The following DDX1 variants were observed in gnomAD, a reference collection of about 807,000 sequenced individuals.
DDX1 encodes the protein ATP-dependent RNA helicase DDX1.
DDX1 carries 28 observed loss-of-function variants against 108.7 expected under a neutral mutation model. The observed-to-expected ratio is 0.26, with a 90% CI of 0.19 to 0.35. The LOEUF (loss-of-function observed/expected upper bound fraction) is 0.35, where lower values mean the gene tolerates loss of function less well. Ranked by LOEUF, DDX1 falls within the 10% of genes least tolerant of loss-of-function variation. The pLI is 1.00. For synonymous variants in DDX1, 295 were observed against 288.9 expected (o/e 1.02, Z -0.21); for missense variants, 710 against 884.5 (o/e 0.80, Z 2.50).
At chr2:15,628,605 CTGGCAA>C in intron 21 of DDX1, 27 bp from the exon 22 acceptor site, 1 of 1,597,312 alleles carries the variant, frequency 6.3e-7, no homozygotes, top group Non-Finnish European at 8.6e-7. Flanking sequence ...TTAGAAACTA[CTGGCAA>C]TTGTTAATAA....
At chr2:15,612,564 G>A (rs1665793405) in intron 13 of DDX1, among the ~76,000 whole-genome samples, 1 of 151,388 alleles carries the variant, frequency 6.6e-6, no homozygotes, top group Admixed American at 6.6e-5. Flanking sequence ...CCCAGATGAT[G>A]GGCGGCCAGG....
chr2:15,618,067 A>G (rs1665929519), intron 15 of DDX1, 114 bp from the exon 16 acceptor site: 1 of 572,106 alleles, frequency 1.7e-6, no homozygotes, highest in African/African-American at 1.8e-5. Context: ...ATATGCATGA[A>G]TTAGTTTCCT....
chr2:15,629,714 G>A lies in DDX1; in HGVS notation c.1971+17G>A. On this transcript the variant is annotated intron_variant, in intron 24 of 25. Coordinates refer to ENST00000233084, the MANE Select transcript of DDX1 (RefSeq NM_004939.3). ...GAGATGCAGGTAAGACTTCGAGTTA[G>A]GCTCACAAATAATGTATTAAAATGG... 4 of 1,511,628 alleles carry A rather than the reference G, an allele frequency of 2.6e-6. No homozygotes were observed. The highest frequency in any genetic ancestry group is 3.6e-6 in the Non-Finnish European group (4 of 1,124,650). The allele number at this position is 1,511,628 out of a possible 1,614,324, so 93.6% of individuals were successfully genotyped here.
chr2:15,602,077 T>C (rs1471108225), intron 6 of DDX1, among the ~76,000 whole-genome samples: 1 of 152,210 alleles, frequency 6.6e-6, no homozygotes, highest in Non-Finnish European at 1.5e-5. Flanking sequence ...CTGTTATCTT[T>C]TAGTTATATA....
At chr2:15,627,304 ATT>A (rs1319688251) in intron 20 of DDX1, 159 bp downstream of exon 20, 6 of 488,460 alleles carry the variant, frequency 1.2e-5, no homozygotes, top group Non-Finnish European at 1.8e-5. Context: ...GGAATTAGTC[ATT>A]GTTGACACTC....
Position 15,630,974 on chromosome 2 carries a change from A to G in DDX1, c.*68A>G, listed in dbSNP as rs1666185723. Reference sequence around the variant, plus strand: ...AGTCTTAAAACTCTAAAACAGTTGTACTGCTTCCAAGCAGCAGTATTTATA... The same window carrying G: ...AGTCTTAAAACTCTAAAACAGTTGTGCTGCTTCCAAGCAGCAGTATTTATA... On this transcript the variant is annotated 3_prime_UTR_variant, in exon 26 of 26. Coordinates refer to ENST00000233084, the MANE Select transcript of DDX1 (RefSeq NM_004939.3). The G allele has an allele frequency of 6.7e-7, 1 of 1,488,140 alleles. No homozygotes were observed. Among genetic ancestry groups the G allele is most frequent in the Admixed American group, 1.7e-5 (1 of 57,266 alleles). 92.2% of individuals were successfully genotyped at this position (1,488,140 alleles called of 1,614,324 possible).
At chr2:15,613,021 GGGGAGA>G (rs1201038298) in intron 13 of DDX1, among the ~76,000 whole-genome samples, 197 bp from the exon 14 acceptor site, 2 of 151,840 alleles carry the variant, frequency 1.3e-5, no homozygotes, top group South Asian at 2.1e-4. Flanking sequence ...GGGAGACCGT[GGGGAGA>G]GGGAGAGGGG....
At chr2:15,619,593 C>T (rs751402016) in intron 16 of DDX1, among the ~76,000 whole-genome samples, 13 of 152,198 alleles carry the variant, frequency 8.5e-5, no homozygotes, top group African/African-American at 3.1e-4. Context: ...TTTGTTTGGT[C>T]CCCTCTCATT....
rs527384432 is a variant in DDX1, at chr2:15,614,334, T to C, written c.1017+1050T>C. Among the ~76,000 whole-genome samples the C allele has an allele frequency of 2.5e-3, 380 of 152,368 alleles. 1 individual carries two copies. The highest frequency in any genetic ancestry group is 8.7e-3 in the African/African-American group (363 of 41,586). On this transcript the variant is annotated intron_variant, in intron 14 of 25. Coordinates refer to ENST00000233084, the MANE Select transcript of DDX1 (RefSeq NM_004939.3). ...ATTGGTGCTCTTGTCAAACTAAATT[T>C]TGTGCCACACAGACTTTACATTTGA...
chr2:15,613,454 A>G (rs1233707625), intron 14 of DDX1, among the ~76,000 whole-genome samples, 170 bp downstream of exon 14: 1 of 152,214 alleles, frequency 6.6e-6, no homozygotes, highest in Non-Finnish European at 1.5e-5. Context: ...TCCTGGAAGT[A>G]TACAAAGTCT....
intron 5 of DDX1, among the ~76,000 whole-genome samples, chr2:15,598,944 G>T (rs1158768472): frequency 5.4e-5 from 8 of 148,214 alleles, no homozygotes; most frequent in African/African-American, 2.0e-4. Flanking sequence ...CTTTTTTTTT[G>T]ATAGTTACAA....
chr2:15,624,002 T>C (rs1230965077), intron 19 of DDX1, among the ~76,000 whole-genome samples: 1 of 152,112 alleles, frequency 6.6e-6, no homozygotes, highest in Non-Finnish European at 1.5e-5. Context: ...GGTTAGAAAT[T>C]ATAGAATAAG....
chr2:15,594,122 C>G (rs574167904), intron 1 of DDX1, among the ~76,000 whole-genome samples: 1 of 151,796 alleles, frequency 6.6e-6, no homozygotes. Flanking sequence ...GTTAGGAGAG[C>G]CTTCTTTGAA....
chr2:15,625,004 A>G (rs368903776), intron 19 of DDX1, among the ~76,000 whole-genome samples: 2 of 152,182 alleles, frequency 1.3e-5, no homozygotes, highest in East Asian at 3.8e-4. Flanking sequence ...AGATGCTAGA[A>G]TGGCCATAGC....
intron 25 of DDX1, among the ~76,000 whole-genome samples, chr2:15,630,329 T>C (rs964922192): frequency 2.0e-5 from 3 of 152,244 alleles, no homozygotes; most frequent in Admixed American, 1.3e-4. Flanking sequence ...TCAGCTTAGC[T>C]CTTTCTCTTG....
At chr2:15,610,204 T>C (rs1313797015) in intron 13 of DDX1, among the ~76,000 whole-genome samples, 1 of 152,220 alleles carries the variant, frequency 6.6e-6, no homozygotes, top group Non-Finnish European at 1.5e-5. Flanking sequence ...AGTGCTGGAT[T>C]ATAGGTGTGA....
At chr2:15,617,181 T>C in intron 14 of DDX1, 63 bp from the exon 15 acceptor site, 1 of 720,004 alleles carries the variant, frequency 1.4e-6, no homozygotes, top group Non-Finnish European at 2.3e-6. Context: ...TATTGGTTGC[T>C]ATTTTAACGT....
In DDX1 at chr2:15,620,225, C is replaced by T; in HGVS notation, c.1224C>T (p.Ala408=). The change falls in exon 17 of 26, where the codon GCC becomes GCT. Residue 408 remains alanine, a synonymous_variant. Coordinates refer to ENST00000233084, the MANE Select transcript of DDX1 (RefSeq NM_004939.3). ...GKRLQVIVCS[A]TLHSFDVKKL... ...CTTCTTAGGTGATTGTTTGCTCTGCCACTTTGCATTCTTTCGATGTAAAGA... is the reference window on the plus strand; with the variant it reads ...CTTCTTAGGTGATTGTTTGCTCTGCTACTTTGCATTCTTTCGATGTAAAGA... The T allele has an allele frequency of 1.2e-6, 2 of 1,613,542 alleles. No individual in the cohort carries two copies.
intron 24 of DDX1, 61 bp from the exon 25 acceptor site, chr2:15,629,929 G>C: frequency 6.8e-7 from 1 of 1,470,614 alleles, no homozygotes; most frequent in Non-Finnish European, 9.2e-7. Context: ...ATTTAATGAT[G>C]ATAAAATGCA....
Sources: gnomAD v4.1 joint callset for allele counts (sites outside exome capture counted in the v4.1 genomes callset) on GRCh38, gnomAD v4.1.1 for gene constraint, MANE v1.5 for transcripts, NCBI Gene and HGNC (gene_info 2026-07-23, HGNC 2026-07-21) for gene names.